Variants in RNF24 observed in about 807,000 individuals in gnomAD.
The protein encoded by RNF24 is ring finger protein 24.
Under a neutral mutation model 20.0 loss-of-function variants are expected in RNF24, and 14 were observed. The observed-to-expected ratio is 0.70, with a 90% CI of 0.46 to 1.10. The LOEUF (loss-of-function observed/expected upper bound fraction) is 1.10. Ranked by LOEUF, RNF24 falls within the 50% of genes least tolerant of loss-of-function variation. RNF24 has a pLI of 0.00. For synonymous variants in RNF24, 45 were observed against 61.1 expected (o/e 0.74, Z 1.23); for missense variants, 124 against 177.6 (o/e 0.70, Z 1.71).
At chr20:3,982,052 G>A (rs1404433557) in intron 1 of RNF24, among the ~76,000 whole-genome samples, 1 of 150,104 alleles carries the variant, frequency 6.7e-6, no homozygotes, top group African/African-American at 2.5e-5. Context: ...CAGGAGCAGT[G>A]AGCGCTAATC....
intron 2 of RNF24, among the ~76,000 whole-genome samples, chr20:3,956,603 G>A (rs964774635): frequency 6.6e-6 from 1 of 151,738 alleles, no homozygotes; most frequent in Non-Finnish European, 1.5e-5. Flanking sequence ...CTAGTTCATT[G>A]ATATCGTGCT....
chr20:3,957,169 A>G (rs1239000303), intron 2 of RNF24, among the ~76,000 whole-genome samples: 1 of 152,024 alleles, frequency 6.6e-6, no homozygotes, highest in Non-Finnish European at 1.5e-5. Flanking sequence ...ATGGTGGTAC[A>G]CGCCTGTAAT....
At chr20:4,003,840 C>T (rs531640957) in intron 1 of RNF24, among the ~76,000 whole-genome samples, 38 of 151,996 alleles carry the variant, frequency 2.5e-4, no homozygotes, top group South Asian at 8.3e-4. Flanking sequence ...GTCAGGGTTT[C>T]GCCATGTTGG....
intron 1 of RNF24, among the ~76,000 whole-genome samples, chr20:3,965,718 G>A (rs975669035): frequency 6.6e-6 from 1 of 152,142 alleles, no homozygotes; most frequent in Non-Finnish European, 1.5e-5. Context: ...CTTTCATATT[G>A]CTGACAGGGC....
intron 1 of RNF24, among the ~76,000 whole-genome samples, chr20:3,968,276 T>C (rs1381754344): frequency 6.7e-6 from 1 of 150,044 alleles, no homozygotes. Flanking sequence ...CACTCCAGCC[T>C]GGGACAGAGC....
chr20:4,008,311 TATATATATATTATATATATA>T (rs1204361108), intron 1 of RNF24, among the ~76,000 whole-genome samples: 4 of 95,668 alleles, frequency 4.2e-5, no homozygotes, highest in Admixed American at 1.6e-4. Context: ...ACTGCAAATA[TATATATATATTATATATATA>T]ATATATATAT....
At chr20:3,958,723 C>G (rs1877121255) in intron 2 of RNF24, among the ~76,000 whole-genome samples, 1 of 152,178 alleles carries the variant, frequency 6.6e-6, no homozygotes, top group Non-Finnish European at 1.5e-5. Flanking sequence ...CTCAATGCAA[C>G]CTCCACCTTC....
chr20:3,969,649 T>C (rs1374680314), intron 1 of RNF24, among the ~76,000 whole-genome samples: 1 of 151,846 alleles, frequency 6.6e-6, no homozygotes, highest in Non-Finnish European at 1.5e-5. Context: ...CACACCCCTA[T>C]AGACATGCCA....
Position 3,930,412 on chromosome 20 carries a change from G to A in RNF24, c.*3651C>T, listed in dbSNP as rs1396622364. The A allele has an allele frequency of 6.6e-6, 1 of 152,204 alleles. No individual in the cohort carries two copies. Among genetic ancestry groups the A allele is most frequent in the East Asian group, 1.9e-4 (1 of 5,184 alleles). The allele number at this position is 152,204 out of a possible 1,614,324, so 9.4% of individuals were successfully genotyped here. A position where few individuals can be genotyped will look rare whatever the true frequency, so the allele number is the denominator to read the frequency against. ...GCCCATGTAACCCAGATGATGTTAT[G>A]TGGTATCAGCAGCCCCCATGACACC... On this transcript the variant is annotated 3_prime_UTR_variant, in exon 6 of 6. Transcript: ENST00000358395.
rs573170356 is a variant in RNF24, at chr20:3,936,634, C to T, written c.229-1561G>A. The stretch of plus-strand genomic sequence containing the variant: ...TCCCACCTGTAAAGAGGGAATGATG[C>T]TCCCATCTCCTAGACTGTGTGATTG... On this transcript the variant is annotated intron_variant, in intron 4 of 5. Coordinates refer to ENST00000358395, the MANE Select transcript of RNF24 (RefSeq NM_001134337.3). Among the ~76,000 whole-genome samples the T allele has an allele frequency of 3.3e-5, 5 of 152,328 alleles. No homozygotes were observed. In the South Asian group the frequency reaches 1.0e-3, roughly 32 times the overall value.
chr20:3,976,602 A>G (rs1344176355), intron 1 of RNF24, among the ~76,000 whole-genome samples: 2 of 152,248 alleles, frequency 1.3e-5, no homozygotes, highest in Non-Finnish European at 2.9e-5. Flanking sequence ...TTTATCTGTA[A>G]TGGTCTAAAA....
rs374151359 is a variant in RNF24 at position 3,964,003 on chromosome 20, G to T, written c.15C>A (p.Phe5Leu). The T allele has an allele frequency of 8.7e-6, 14 of 1,613,062 alleles. No homozygotes were observed. The highest frequency in any genetic ancestry group is 1.2e-5 in the Non-Finnish European group (14 of 1,179,648). Reference protein sequence around the residue: MSSDFPHYNFRMPNI... With the variant: MSSDLPHYNFRMPNI... The stretch of plus-strand genomic sequence containing the variant: ...TAGGCATCCTGAAGTTGTAATGTGG[G>T]AAATCCGAGCTCATGGATGAACTGT... The change falls in exon 2 of 6, where the codon TTC becomes TTA. Residue 5 changes from phenylalanine (F) to leucine (L), a missense_variant. By Grantham distance (22) the Phe-to-Leu change is conservative. Coordinates refer to ENST00000358395, the MANE Select transcript of RNF24 (RefSeq NM_001134337.3).
chr20:3,975,927 T>C (rs914891898), intron 1 of RNF24, among the ~76,000 whole-genome samples: 6 of 152,014 alleles, frequency 3.9e-5, no homozygotes, highest in Non-Finnish European at 8.8e-5. Flanking sequence ...GCTGGGACTA[T>C]AGGAGTGCAC....
At position 3,928,746 on chromosome 20, in the gene RNF24, T is replaced by C. The variant is rs1477568443; in HGVS notation, c.*5317A>G. On this transcript the variant is annotated 3_prime_UTR_variant, in exon 6 of 6. Transcript: ENST00000358395. ...CTGGGTGACAGAGCGAGACTCCGTC[T>C]CAAAAAAAAAAAAAAAAAAAAAAAA... 3.0e-4 allele frequency: 2 copies of C among 6,716 alleles called. No homozygotes were observed. Among genetic ancestry groups the C allele is most frequent in the Non-Finnish European group, 4.3e-4 (1 of 2,306 alleles). The allele number at this position is 6,716 out of a possible 1,614,324, so 0.4% of individuals were successfully genotyped here. A position where few individuals can be genotyped will look rare whatever the true frequency, so the allele number is the denominator to read the frequency against.
chr20:4,012,899 C>T (rs932058173), intron 1 of RNF24, among the ~76,000 whole-genome samples: 5 of 152,036 alleles, frequency 3.3e-5, no homozygotes, highest in Admixed American at 6.6e-5. Flanking sequence ...CTTCCCCTTA[C>T]GGTTTGTTTT....
In RNF24 at chr20:3,987,409, GT is replaced by G. The variant is rs1185717972; in HGVS notation, c.-7-23386del. Among the ~76,000 whole-genome samples the G allele has an allele frequency of 2.0e-5, 3 of 152,094 alleles. No homozygotes were observed. The East Asian group carries it at 5.8e-4, about 29-fold the overall frequency. On this transcript the variant is annotated intron_variant, in intron 1 of 5. Transcript: ENST00000358395. ...GCTGATTTAGTTCCCAAGAAAACAT[GT>G]TTTTTTCTGCTGTGAGGAAAATCAA...
At chr20:4,012,140 C>T (rs567187038) in intron 1 of RNF24, among the ~76,000 whole-genome samples, 47 of 152,180 alleles carry the variant, frequency 3.1e-4, no homozygotes, top group African/African-American at 1.1e-3. Context: ...TGGCCGGGCG[C>T]GGTGGCTCAC....
At chr20:4,003,096 A>C (rs1981548142) in intron 1 of RNF24, among the ~76,000 whole-genome samples, 1 of 152,000 alleles carries the variant, frequency 6.6e-6, no homozygotes, top group African/African-American at 2.4e-5. Context: ...CAGCCTTCTG[A>C]GTAGCTGGGA....
chr20:3,961,473 CTTGA>C (rs2091201416), intron 2 of RNF24, among the ~76,000 whole-genome samples: 1 of 151,176 alleles, frequency 6.6e-6, no homozygotes. Context: ...TACTTATTTG[CTTGA>C]TTATTAAAAG....
Sources: gnomAD v4.1 joint callset for allele counts (sites outside exome capture counted in the v4.1 genomes callset) on GRCh38, gnomAD v4.1.1 for gene constraint, MANE v1.5 for transcripts, NCBI Gene and HGNC (gene_info 2026-07-23, HGNC 2026-07-21) for gene names.